The following LIN54 variants were observed in gnomAD, a reference collection of about 807,000 sequenced individuals.
LIN54 encodes the protein lin-54 DREAM MuvB core complex component, also known as protein lin-54 homolog.
LIN54 carries 9 observed loss-of-function variants against 78.7 expected under a neutral mutation model. The ratio of observed to expected loss-of-function variants is 0.11; its 90% CI spans 0.07 to 0.20. The LOEUF (loss-of-function observed/expected upper bound fraction) is 0.20, where lower values mean the gene tolerates loss of function less well. Ranked by LOEUF, LIN54 falls within the 10% of genes least tolerant of loss-of-function variation. The pLI is 1.00. For synonymous variants in LIN54, 269 were observed against 318.4 expected (o/e 0.84, Z 1.65); for missense variants, 573 against 889.9 (o/e 0.64, Z 4.53).
intron 4 of LIN54, among the ~76,000 whole-genome samples, chr4:82,967,868 G>C (rs1001949190): frequency 1.6e-4 from 25 of 152,162 alleles, no homozygotes; most frequent in African/African-American, 5.8e-4. Flanking sequence ...CAGAAAGGGA[G>C]AGGAGGTTGA....
Position 82,984,832 on chromosome 4 carries a change from G to C in LIN54, c.13C>G (p.Pro5Ala). 1 of 1,608,718 alleles carries C rather than the reference G, an allele frequency of 6.2e-7. No individual in the cohort carries two copies. Among genetic ancestry groups the C allele is most frequent in the South Asian group, 1.1e-5 (1 of 90,694 alleles). ...GGAAGCAAACTATTCACCTCAGCTG[G>C]CACCACCTCCATGATCGTTCTCCCG... MEVV[P>A]AEVNSLLPEE... Residue 5 changes from proline (P) to alanine (A), a missense_variant, in exon 2 of 13, where the codon CCA becomes GCA. Around this residue, in one of 6 missense-constraint regions of LIN54, gnomAD observed 183 missense variants for 228.4 expected, o/e 0.80. Coordinates refer to ENST00000340417, the MANE Select transcript of LIN54 (RefSeq NM_194282.4).
At chr4:82,995,495 T>C (rs985636058) in intron 1 of LIN54, among the ~76,000 whole-genome samples, 41 of 129,698 alleles carry the variant, frequency 3.2e-4, no homozygotes, top group Middle Eastern at 3.7e-3. Context: ...ATCTCTTTTT[T>C]TTTTTTTTTT....
chr4:82,945,717 C>G (rs1723300738), intron 5 of LIN54, among the ~76,000 whole-genome samples: 1 of 152,104 alleles, frequency 6.6e-6, no homozygotes, highest in Non-Finnish European at 1.5e-5. Flanking sequence ...TGGTCTTGAA[C>G]TCCTGACCTC....
chr4:82,993,968 A>C (rs1293204533), intron 1 of LIN54, among the ~76,000 whole-genome samples: 1 of 152,114 alleles, frequency 6.6e-6, no homozygotes, highest in Non-Finnish European at 1.5e-5. Context: ...ACAGACTTAC[A>C]TGACTTACAA....
intron 3 of LIN54, among the ~76,000 whole-genome samples, chr4:82,977,647 A>C (rs1439648601): frequency 6.6e-6 from 1 of 152,222 alleles, no homozygotes; most frequent in Admixed American, 6.5e-5. Flanking sequence ...AAATTTATTA[A>C]AGACAGATGG....
intron 1 of LIN54, among the ~76,000 whole-genome samples, chr4:82,988,114 C>T (rs966123262): frequency 1.3e-5 from 2 of 152,182 alleles, no homozygotes; most frequent in Non-Finnish European, 2.9e-5. Context: ...TTTTCATTTA[C>T]ATTTCTCTGA....
chr4:82,995,870 G>C (rs557550636), intron 1 of LIN54, among the ~76,000 whole-genome samples: 1 of 151,776 alleles, frequency 6.6e-6, no homozygotes. Flanking sequence ...TCAGGACCAG[G>C]CACGGTGGCT....
chr4:82,977,967 G>T (rs1024239537), intron 3 of LIN54, among the ~76,000 whole-genome samples: 6 of 152,162 alleles, frequency 3.9e-5, no homozygotes, highest in Non-Finnish European at 7.3e-5. Context: ...GAAAGAGACT[G>T]GAAAAAGACA....
intron 1 of LIN54, among the ~76,000 whole-genome samples, chr4:82,999,180 C>T (rs1728518827): frequency 6.6e-6 from 1 of 152,128 alleles, no homozygotes; most frequent in African/African-American, 2.4e-5. Context: ...TAATGCAATA[C>T]TGTAAAACTT....
intron 5 of LIN54, among the ~76,000 whole-genome samples, chr4:82,941,545 A>C (rs992252056): frequency 3.9e-5 from 6 of 152,212 alleles, no homozygotes; most frequent in African/African-American, 1.2e-4. Flanking sequence ...TATTGAAATA[A>C]AAGAAAAATT....
chr4:82,997,247 T>C (rs147705246), intron 1 of LIN54, among the ~76,000 whole-genome samples: 1 of 152,094 alleles, frequency 6.6e-6, no homozygotes, highest in Non-Finnish European at 1.5e-5. Flanking sequence ...TTGAGTAGGA[T>C]AGGTTTATAT....
chr4:83,008,581 C>T (rs377072422), intron 1 of LIN54, among the ~76,000 whole-genome samples: 2 of 152,224 alleles, frequency 1.3e-5, no homozygotes, highest in South Asian at 2.1e-4. Flanking sequence ...GAACCCAGGA[C>T]GCGGAGCTTG....
At chr4:82,995,630 G>A (rs925221343) in intron 1 of LIN54, among the ~76,000 whole-genome samples, 6 of 150,970 alleles carry the variant, frequency 4.0e-5, no homozygotes, top group Admixed American at 2.0e-4. Context: ...CAAGTAGCTG[G>A]GACTACAGGT....
chr4:82,932,557 G>A (rs530556473), intron 11 of LIN54, among the ~76,000 whole-genome samples: 115 of 149,420 alleles, frequency 7.7e-4, no homozygotes, highest in African/African-American at 2.6e-3. Flanking sequence ...GGTGGCTCAC[G>A]CCTGAAATCC....
intron 1 of LIN54, among the ~76,000 whole-genome samples, chr4:82,996,744 G>A (rs1406749334): frequency 2.0e-5 from 3 of 151,938 alleles, no homozygotes; most frequent in Admixed American, 6.6e-5. Flanking sequence ...AGTTCTAAAG[G>A]CAAAGTATGT....
chr4:82,991,194 T>G (rs1278709305), intron 1 of LIN54, among the ~76,000 whole-genome samples: 1 of 150,036 alleles, frequency 6.7e-6, no homozygotes, highest in Admixed American at 6.6e-5. Flanking sequence ...GAAAATTGTC[T>G]CCCAAATAAC....
At chr4:82,945,519 A>G (rs1016304214) in intron 5 of LIN54, among the ~76,000 whole-genome samples, 1 of 151,952 alleles carries the variant, frequency 6.6e-6, no homozygotes, top group Non-Finnish European at 1.5e-5. Flanking sequence ...TTTGAGATGG[A>G]ATCTCGCTCT....
chr4:82,961,749 T>A (rs1359836848), intron 4 of LIN54, among the ~76,000 whole-genome samples: 1 of 152,134 alleles, frequency 6.6e-6, no homozygotes, highest in Admixed American at 6.5e-5. Flanking sequence ...GGTCAGGAGT[T>A]TGAGACCAGT....
chr4:82,991,154 G>A (rs1196446480), intron 1 of LIN54, among the ~76,000 whole-genome samples: 2,663 of 85,526 alleles, frequency 0.031, no homozygotes, highest in African/African-American at 0.04. Flanking sequence ...TGTCTCTTAA[G>A]AAAAAAAAAA....
Sources: allele counts gnomAD v4.1 joint callset (sites outside exome capture counted in the v4.1 genomes callset), GRCh38; gene constraint gnomAD v4.1.1; regional missense constraint gnomAD v4.1.1; transcripts MANE v1.5; gene names NCBI Gene and HGNC (gene_info 2026-07-23, HGNC 2026-07-21).